Variants in TMEM132D observed in about 807,000 individuals in gnomAD.
The protein encoded by TMEM132D is transmembrane protein 132D.
A neutral mutation model predicts 62.3 loss-of-function variants in TMEM132D; 21 were observed. The observed-to-expected ratio is 0.34, with a 90% CI of 0.24 to 0.49. The LOEUF (loss-of-function observed/expected upper bound fraction) is 0.49. TMEM132D is among the 20% of genes least tolerant of loss of function. The probability of loss-of-function intolerance (pLI) is 0.99; values close to 1 mark genes in which losing one functional copy is unlikely to be tolerated. For synonymous variants in TMEM132D, 621 were observed against 575.6 expected, an observed-to-expected ratio of 1.08 and a Z score of -1.13; for missense variants, 1,346 against 1,402.8, an observed-to-expected ratio of 0.96 and a Z score of 0.65.
intron 2 of TMEM132D, among the ~76,000 whole-genome samples, chr12:129,623,679 A>G (rs533742053): frequency 7.4e-6 from 1 of 134,870 alleles, no homozygotes; most frequent in Non-Finnish European, 1.5e-5. Flanking sequence ...ATATACACAT[A>G]TATATACATA....
intron 1 of TMEM132D, among the ~76,000 whole-genome samples, chr12:129,765,064 T>C (rs1210362774): frequency 1.3e-5 from 2 of 152,198 alleles, no homozygotes; most frequent in African/African-American, 2.4e-5. Context: ...AATCAAATCA[T>C]TGCTCTAATC....
intron 5 of TMEM132D, among the ~76,000 whole-genome samples, chr12:129,179,135 G>C (rs117964258): frequency 1.3e-5 from 2 of 152,104 alleles, no homozygotes; most frequent in East Asian, 1.9e-4. Flanking sequence ...GCCCATCAGC[G>C]TACAGAAACG....
intron 2 of TMEM132D, among the ~76,000 whole-genome samples, chr12:129,688,414 T>C (rs1372333451): frequency 3.3e-5 from 5 of 152,138 alleles, no homozygotes; most frequent in African/African-American, 1.2e-4. Flanking sequence ...CAGACCAATG[T>C]TGGGGTCAGA....
intron 2 of TMEM132D, among the ~76,000 whole-genome samples, chr12:129,694,437 A>C (rs545947875): frequency 6.6e-6 from 1 of 152,338 alleles, no homozygotes; most frequent in Admixed American, 6.5e-5. Context: ...AAGCAAAATA[A>C]ATATGGCCTG....
chr12:129,435,661 C>T (rs1222338897), intron 3 of TMEM132D, among the ~76,000 whole-genome samples: 1 of 152,096 alleles, frequency 6.6e-6, no homozygotes, highest in Non-Finnish European at 1.5e-5. Flanking sequence ...ATGATGAATC[C>T]CAAGCCTAGT....
chr12:129,107,579 A>C (rs1020929942), intron 5 of TMEM132D, among the ~76,000 whole-genome samples: 2 of 152,224 alleles, frequency 1.3e-5, no homozygotes, highest in African/African-American at 4.8e-5. Context: ...TTCCCTGATT[A>C]ACCCTGAGTT....
chr12:129,839,997 C>G (rs890346274), intron 1 of TMEM132D: 1 of 152,104 alleles, frequency 6.6e-6, no homozygotes, highest in Non-Finnish European at 1.5e-5. Context: ...TCAAATGCAC[C>G]CCTGATCAGT....
At chr12:129,276,469 C>T (rs1397723787) in intron 4 of TMEM132D, among the ~76,000 whole-genome samples, 1 of 152,194 alleles carries the variant, frequency 6.6e-6, no homozygotes, top group Non-Finnish European at 1.5e-5. Flanking sequence ...TGTGTCCCTC[C>T]CTTTGTCCAT....
At chr12:129,897,064 A>T (rs1187326284) in intron 1 of TMEM132D, among the ~76,000 whole-genome samples, 1 of 152,304 alleles carries the variant, frequency 6.6e-6, no homozygotes, top group South Asian at 2.1e-4. Flanking sequence ...TGACGGAAGC[A>T]CCTAGCCTCT....
At position 129,607,744 on chromosome 12, in the gene TMEM132D, C is replaced by T. The variant is rs539108793; in HGVS notation, c.969-76539G>A. On this transcript the variant is annotated intron_variant, in intron 2 of 8. Coordinates refer to ENST00000422113, the MANE Select transcript of TMEM132D (RefSeq NM_133448.3). ...ACAGAGACCAATTCCAAAATGAAGA[C>T]GTATTTTTAAATGCCTTTTTCTGTG... Among the ~76,000 whole-genome samples the T allele has an allele frequency of 7.9e-5, 12 of 152,234 alleles. No individual in the cohort carries two copies. In the South Asian group the frequency reaches 1.0e-3, roughly 13 times the overall value.
At chr12:129,799,091 C>T (rs1871658332) in intron 1 of TMEM132D, among the ~76,000 whole-genome samples, 1 of 151,982 alleles carries the variant, frequency 6.6e-6, no homozygotes. Context: ...ACAGTGAAAC[C>T]CCGTCTCTAC....
rs1880702129 is a variant in TMEM132D, at chr12:129,678,700, C to T, written c.968+21110G>A. On this transcript the variant is annotated intron_variant, in intron 2 of 8. Transcript: ENST00000422113. ...TTTGGTAGATTAAGAAAGTCTAAAT[C>T]CTTTTCTCTCAGAGGATATAAAGAT... is the stretch of plus-strand genomic sequence containing the variant. Among the ~76,000 whole-genome samples the T allele has an allele frequency of 2.6e-5, 4 of 152,128 alleles. No individual in the cohort carries two copies. In the South Asian group the frequency reaches 8.3e-4, roughly 32 times the overall value.
intron 7 of TMEM132D, among the ~76,000 whole-genome samples, chr12:129,079,267 C>T (rs1874377616): frequency 6.6e-6 from 1 of 152,148 alleles, no homozygotes; most frequent in East Asian, 1.9e-4. Flanking sequence ...TCACTGGAGG[C>T]CACACTGTAC....
intron 5 of TMEM132D, among the ~76,000 whole-genome samples, chr12:129,208,131 A>G (rs1237871960): frequency 6.6e-6 from 1 of 152,110 alleles, no homozygotes; most frequent in African/African-American, 2.4e-5. Flanking sequence ...GAGAGGAGGT[A>G]AGGACAGGCC....
At chr12:129,167,006 A>G (rs907835560) in intron 5 of TMEM132D, among the ~76,000 whole-genome samples, 1 of 151,986 alleles carries the variant, frequency 6.6e-6, no homozygotes, top group African/African-American at 2.4e-5. Context: ...TCTACTGAAA[A>G]TACAAAAATT....
chr12:129,844,415 A>G (rs1873293412), intron 1 of TMEM132D, among the ~76,000 whole-genome samples: 2 of 151,908 alleles, frequency 1.3e-5, no homozygotes, highest in African/African-American at 4.8e-5. Context: ...TACCCCCTCC[A>G]CTCTCCGGAT....
chr12:129,220,133 A>G (rs2135573004), intron 4 of TMEM132D, among the ~76,000 whole-genome samples: 1 of 152,258 alleles, frequency 6.6e-6, no homozygotes, highest in South Asian at 2.1e-4. Flanking sequence ...TTTCAAGCGG[A>G]AAAGGATTTA....
At chr12:129,721,506 T>A (rs1321520740) in intron 1 of TMEM132D, among the ~76,000 whole-genome samples, 1 of 152,074 alleles carries the variant, frequency 6.6e-6, no homozygotes, top group Admixed American at 6.6e-5. Context: ...TGAAACTAGC[T>A]CCCGGGGTCA....
chr12:129,379,962 A>G (rs1196485896), intron 3 of TMEM132D, among the ~76,000 whole-genome samples: 4 of 152,146 alleles, frequency 2.6e-5, no homozygotes, highest in African/African-American at 9.7e-5. Context: ...TTTGCTTTTT[A>G]TTTTACTTTC....
Sources: allele counts gnomAD v4.1 joint callset (sites outside exome capture counted in the v4.1 genomes callset), GRCh38; gene constraint gnomAD v4.1.1; transcripts MANE v1.5; gene names NCBI Gene and HGNC (gene_info 2026-07-23, HGNC 2026-07-21).